The following LRBA variants were observed in gnomAD, a reference collection of about 807,000 sequenced individuals.
LRBA encodes the protein lipopolysaccharide-responsive and beige-like anchor protein.
Under a neutral mutation model 330.0 loss-of-function variants are expected in LRBA, and 176 were observed. The observed-to-expected ratio is 0.53, with a 90% confidence interval of 0.47 to 0.60. The LOEUF (loss-of-function observed/expected upper bound fraction) is 0.60, where lower values mean the gene tolerates loss of function less well. LRBA is among the 20% of genes least tolerant of loss of function. The pLI, the probability that LRBA is intolerant of heterozygous loss-of-function variation, is 0.00. For missense variants in LRBA, 3,259 were observed against 3,444.8 expected (o/e 0.95, Z 1.35); for synonymous variants, 1,230 against 1,193.0 (o/e 1.03, Z -0.64).
intron 48 of LRBA, among the ~76,000 whole-genome samples, chr4:150,344,158 A>C (rs1219194274): frequency 6.7e-6 from 1 of 149,296 alleles, no homozygotes; most frequent in Non-Finnish European, 1.5e-5. Flanking sequence ...TTACTCATTA[A>C]AAAAAAATTA....
chr4:150,954,298 T>C (rs1305108655), intron 2 of LRBA, among the ~76,000 whole-genome samples: 2 of 152,020 alleles, frequency 1.3e-5, no homozygotes, highest in Admixed American at 6.5e-5. Context: ...CGGGCCATGA[T>C]GACGATGGCG....
chr4:150,321,412 T>A lies in LRBA; in HGVS notation c.7453-44A>T. 6.8e-7 allele frequency: 1 copy of A among 1,476,366 alleles called. No individual in the cohort carries two copies. The highest frequency in any genetic ancestry group is 1.4e-5 in the South Asian group (1 of 71,986). The allele number at this position is 1,476,366 out of a possible 1,614,324, so 91.5% of individuals were successfully genotyped here. A position where few individuals can be genotyped will look rare whatever the true frequency, so the allele number is the denominator to read the frequency against. On this transcript the variant is annotated intron_variant, in intron 49 of 56. Transcript: ENST00000651943. The surrounding 1 kb of genome is among the most constrained non-coding windows in gnomAD (Gnocchi z 4.5). ...TTGAGTGGGCATGACAAGACCCAAA[T>A]AGACAAGAAGGAAAAGATGAAGAAA...
At position 150,512,692 on chromosome 4, in the gene LRBA, C is replaced by A. The variant is rs112589322; in HGVS notation, c.6331-21657G>T. Among the ~76,000 whole-genome samples the A allele has an allele frequency of 3.4e-3, 499 of 145,138 alleles. 5 individuals carry two copies. Among genetic ancestry groups the A allele is most frequent in the African/African-American group, 0.012 (475 of 39,096 alleles). On this transcript the variant is annotated intron_variant, in intron 40 of 56. Transcript: ENST00000651943. ...AGTCTATGGTACTTTGTTATAGCAG[C>A]CCAAACAAAGACAGTGCTTTTTGAG... is the stretch of plus-strand genomic sequence containing the variant.
At chr4:150,307,160 A>C (rs1209413743) in intron 52 of LRBA, among the ~76,000 whole-genome samples, 1 of 152,172 alleles carries the variant, frequency 6.6e-6, no homozygotes, top group Admixed American at 6.6e-5. Context: ...AAAAACACTC[A>C]AATGTCAAAA....
chr4:150,510,645 C>T (rs980389821), intron 40 of LRBA, among the ~76,000 whole-genome samples: 7 of 152,102 alleles, frequency 4.6e-5, no homozygotes, highest in Non-Finnish European at 8.8e-5. Flanking sequence ...TGGATTTCAA[C>T]AGAGTGGAAT....
chr4:150,307,170 A>G (rs1730461423), intron 52 of LRBA, among the ~76,000 whole-genome samples: 1 of 152,100 alleles, frequency 6.6e-6, no homozygotes, highest in Non-Finnish European at 1.5e-5. Context: ...AAATGTCAAA[A>G]CCAAAGATTG....
chr4:150,406,131 T>A (rs934363710), intron 47 of LRBA, among the ~76,000 whole-genome samples: 3 of 151,642 alleles, frequency 2.0e-5, no homozygotes, highest in Admixed American at 1.3e-4. Flanking sequence ...GTAAAAAAAA[T>A]TTAATGAAAA....
intron 56 of LRBA, among the ~76,000 whole-genome samples, chr4:150,274,104 A>G (rs1746467629): frequency 2.0e-5 from 3 of 152,194 alleles, no homozygotes; most frequent in Non-Finnish European, 4.4e-5. Flanking sequence ...ATCATAACCA[A>G]TAGTCTCTCA....
intron 35 of LRBA, among the ~76,000 whole-genome samples, chr4:150,759,529 T>C (rs542830896): frequency 5.9e-5 from 9 of 152,226 alleles, no homozygotes; most frequent in African/African-American, 1.9e-4. Context: ...AATGTTACTT[T>C]CTCAATGAGT....
chr4:150,964,444 G>C (rs1362372450), intron 2 of LRBA, among the ~76,000 whole-genome samples: 1 of 149,814 alleles, frequency 6.7e-6, no homozygotes, highest in Non-Finnish European at 1.5e-5. Flanking sequence ...GTGGAAAGAA[G>C]TAGACATAGG....
chr4:150,624,249 T>C (rs1302778077), intron 37 of LRBA, among the ~76,000 whole-genome samples: 1 of 150,570 alleles, frequency 6.6e-6, no homozygotes, highest in South Asian at 2.1e-4. Context: ...ATTCAGAATA[T>C]GAAAATGCAG....
chr4:150,529,715 C>A (rs1283352408), intron 40 of LRBA, among the ~76,000 whole-genome samples: 2 of 144,570 alleles, frequency 1.4e-5, no homozygotes, highest in African/African-American at 5.4e-5. Context: ...GAGCGAGACT[C>A]CATCTCAAAA....
rs757445725 is a variant in LRBA at position 150,490,966 on chromosome 4, G to A, written c.6400C>T (p.Arg2134Cys). Residue 2134 changes from arginine to cysteine, a missense_variant, in exon 41 of 57, where the codon CGT (arginine) becomes TGT (cysteine). By Grantham distance (180) the Arg-to-Cys change is radical (BLOSUM62 -3). Coordinates refer to ENST00000651943, the MANE Select transcript of LRBA (RefSeq NM_001364905.1). ...AGGGCTGTATTTTGCAAAAGATAAC[G>A]ACGAGAAAAGATTGATCGTATCTCT... ...FTEIRSIFSR[R>C]YLLQNTALEI... is the part of the protein sequence containing the mutation. The A allele has an allele frequency of 7.5e-6, 12 of 1,609,388 alleles. No individual in the cohort carries two copies. The highest frequency in any genetic ancestry group is 2.2e-5 in the East Asian group (1 of 44,744).
intron 35 of LRBA, among the ~76,000 whole-genome samples, chr4:150,738,487 C>G (rs1731518561): frequency 6.6e-6 from 1 of 151,948 alleles, no homozygotes; most frequent in South Asian, 2.1e-4. Context: ...ACATACTTCA[C>G]AAGGATGAAA....
intron 36 of LRBA, among the ~76,000 whole-genome samples, chr4:150,689,654 G>C (rs765771487): frequency 6.6e-6 from 1 of 152,192 alleles, no homozygotes; most frequent in Admixed American, 6.5e-5. Context: ...GGCCGGGCAA[G>C]ATGGCTCACA....
intron 40 of LRBA, among the ~76,000 whole-genome samples, chr4:150,555,756 A>AACACACACACACACACACAC (rs34497958): frequency 0.022 from 3,140 of 144,542 alleles, 54 homozygotes; most frequent in East Asian, 0.063. Context: ...GTCTTATAAA[A>AACACACACACACACACACAC]ACACACACAC....
intron 56 of LRBA, among the ~76,000 whole-genome samples, chr4:150,273,001 A>C (rs534381427): frequency 2.6e-5 from 4 of 152,292 alleles, no homozygotes; most frequent in African/African-American, 9.6e-5. Flanking sequence ...TCCAGGACAC[A>C]TAATCATCAG....
rs1269351789 is a variant in LRBA, at chr4:150,756,546, T to C, written c.5645+5237A>G. On this transcript the variant is annotated intron_variant, in intron 35 of 56. Transcript: ENST00000651943. The stretch of plus-strand genomic sequence containing the variant: ...TTGAAAAATGTAAGCAACAGTGTTA[T>C]GGAATGTAATTAAATATATCTTTCA... Among the ~76,000 whole-genome samples the C allele has an allele frequency of 2.6e-5, 4 of 152,232 alleles. No homozygotes were observed. The East Asian group carries it at 5.8e-4, about 22-fold the overall frequency.
Position 150,683,575 on chromosome 4 carries a change from C to T in LRBA, c.5897G>A (p.Gly1966Glu). Residue 1966 changes from glycine to glutamate, a missense_variant, in exon 37 of 57, where the codon GGA becomes GAA. Transcript: ENST00000651943. ...KIINILTDKH[G>E]AWGNSAVSRP... ...CCTCACTGCAGAATTTCCCCAGGCT[C>T]CATGCTTGTCTGTGAGAATGTTGAT... is the stretch of plus-strand genomic sequence containing the variant. 1.9e-6 allele frequency: 3 copies of T among 1,613,930 alleles called. No homozygotes were observed. Among genetic ancestry groups the T allele is most frequent in the Non-Finnish European group, 2.5e-6 (3 of 1,179,912 alleles).
Sources: gnomAD v4.1 joint callset for allele counts (sites outside exome capture counted in the v4.1 genomes callset) on GRCh38, gnomAD v4.1.1 for gene constraint, Gnocchi (gnomAD v3.1) non-coding constraint, MANE v1.5 for transcripts, NCBI Gene and HGNC (gene_info 2026-07-23, HGNC 2026-07-21) for gene names.